DMPK: variants seen among roughly 807,000 people sequenced by gnomAD.
DMPK encodes the protein myotonin-protein kinase.
In DMPK, 32 loss-of-function variants were observed where a neutral mutation model predicts 70.3. The ratio of observed to expected loss-of-function variants is 0.46; its 90% CI spans 0.34 to 0.61. The LOEUF is 0.61. DMPK is among the 20% of genes least tolerant of loss of function. The pLI is 0.01. For missense variants in DMPK, 899 were observed against 886.0 expected, an observed-to-expected ratio of 1.01 and a Z score of -0.19; for synonymous variants, 469 against 390.9, an observed-to-expected ratio of 1.20 and a Z score of -2.36.
chr19:45,777,361 T>C lies in DMPK; in HGVS notation c.1112A>G (p.Glu371Gly). 1 of 1,601,796 alleles carries C rather than the reference T, an allele frequency of 6.2e-7. No individual in the cohort carries two copies. Among genetic ancestry groups the C allele is most frequent in the Non-Finnish European group, 8.5e-7 (1 of 1,172,584 alleles). ...ATDTCNFDLV[E>G]DGLTAMVSGG... ...GCTCACCATGGCAGTGAGCCCGTCC[T>C]CCACCAAGTCGAAGTTGCATGTGTC... Residue 371 changes from glutamate to glycine, a missense_variant, in exon 8 of 15, where the codon GAG becomes GGG. By Grantham distance (98) the Glu-to-Gly change is moderately conservative. Around this residue, in one of 3 missense-constraint regions of DMPK, gnomAD observed 555 missense variants for 483.8 expected, o/e 1.15. Coordinates refer to ENST00000291270, the MANE Select transcript of DMPK (RefSeq NM_004409.5). The surrounding 1 kb of genome is among the most constrained non-coding windows in gnomAD (Gnocchi z 6.7).
Position 45,777,208 on chromosome 19 carries a change from C to T in DMPK, c.1146+119G>A, listed in dbSNP as rs188422169. The T allele has an allele frequency of 1.5e-6, 2 of 1,365,162 alleles. No homozygotes were observed. Among genetic ancestry groups the T allele is most frequent in the Non-Finnish European group, 1.9e-6 (2 of 1,033,344 alleles). The allele number at this position is 1,365,162 out of a possible 1,614,324, so 84.6% of individuals were successfully genotyped here. On this transcript the variant is annotated intron_variant, in intron 8 of 14. Transcript: ENST00000291270. The surrounding 1 kb of genome is among the most constrained non-coding windows in gnomAD (Gnocchi z 6.7). ...TCCTCAGTAGTAGATGGGCACAGAG[C>T]AGGTGCTCTGGGGAATGAGTGATTC...
intron 1 of DMPK, among the ~76,000 whole-genome samples, chr19:45,781,574 A>C (rs1490868651): frequency 1.3e-5 from 2 of 152,120 alleles, no homozygotes; most frequent in Non-Finnish European, 2.9e-5. Flanking sequence ...AGAAGGAGAC[A>C]CACCCAGAAG....
rs1219584828 is a variant in DMPK, at chr19:45,770,319, C to T, written c.*169G>A. 4 of 944,416 alleles carry T rather than the reference C, an allele frequency of 4.2e-6. No individual in the cohort carries two copies. The highest frequency in any genetic ancestry group is 6.4e-6 in the Non-Finnish European group (4 of 625,556). The allele number at this position is 944,416 out of a possible 1,614,324, so 58.5% of individuals were successfully genotyped here. ...CCGTTCGCCGGCCGCGGACCCGGCCCCTCCCTCCCCGGCCGCTAGGGGGCG... is the reference window on the plus strand; with the variant it reads ...CCGTTCGCCGGCCGCGGACCCGGCCTCTCCCTCCCCGGCCGCTAGGGGGCG... On this transcript the variant is annotated 3_prime_UTR_variant, in exon 15 of 15. Coordinates refer to ENST00000291270, the MANE Select transcript of DMPK (RefSeq NM_004409.5).
At chr19:45,772,238 T>C (rs1046341911) in intron 10 of DMPK, 11 of 404,120 alleles carry the variant, frequency 2.7e-5, no homozygotes, top group African/African-American at 1.7e-4. Context: ...CAAAAGGCCT[T>C]GCTGGGTTTT....
chr19:45,779,330 C>T lies in DMPK; in HGVS notation c.366G>A (p.Val122=). ...EVSCFREERD[V]LVNGDRRWIT... ...TCCACCGCCGGTCCCCATTCACCAA[C>T]ACGTCCCTCTCCTCACGGAAGCACG... The change falls in exon 4 of 15, where the codon GTG becomes GTA. Residue 122 remains valine, a synonymous_variant. Transcript: ENST00000291270. The T allele has an allele frequency of 6.2e-7, 1 of 1,614,128 alleles. No individual in the cohort carries two copies. Among genetic ancestry groups the T allele is most frequent in the South Asian group, 1.1e-5 (1 of 91,090 alleles).
rs1969277719 is a variant in DMPK, at chr19:45,770,206, A to AGCAGCAGCAGCAGCG, written c.*281_*282insCGCTGCTGCTGCTGC. On this transcript the variant is annotated 3_prime_UTR_variant, in exon 15 of 15. Coordinates refer to ENST00000291270, the MANE Select transcript of DMPK (RefSeq NM_004409.5). ...GAAAGAAATGGTCTGTGATCCCCCC[A>AGCAGCAGCAGCAGCG]GCAGCAGCAGCAGCAGCAGCAGCAG... 2 of 69,768 alleles carry AGCAGCAGCAGCAGCG rather than the reference A, an allele frequency of 2.9e-5. No individual in the cohort carries two copies. Among genetic ancestry groups the AGCAGCAGCAGCAGCG allele is most frequent in the Non-Finnish European group, 3.3e-5 (2 of 60,448 alleles). 4.3% of individuals were successfully genotyped at this position (69,768 alleles called of 1,614,324 possible). A position where few individuals can be genotyped will look rare whatever the true frequency, so the allele number is the denominator to read the frequency against.
intron 13 of DMPK, 43 bp downstream of exon 13, chr19:45,771,307 A>T (rs1310936250): frequency 3.2e-6 from 5 of 1,560,980 alleles, no homozygotes; most frequent in Non-Finnish European, 4.3e-6. Flanking sequence ...GGATCTGCAG[A>T]ATGGGCAGCA....
Position 45,774,968 on chromosome 19 carries a change from A to G in DMPK, c.1213T>C (p.Tyr405His). The change falls in exon 9 of 15, where the codon TAC (tyrosine) becomes CAC (histidine). Residue 405 changes from tyrosine to histidine, a missense_variant. Tyr to His is a moderately conservative substitution (Grantham distance 83). Coordinates refer to ENST00000291270, the MANE Select transcript of DMPK (RefSeq NM_004409.5). ...GVHLPFVGYS[Y>H]SCMALRDSEV... is the part of the protein sequence containing the mutation. The stretch of plus-strand genomic sequence containing the variant: ...GCTTACCTGAGGGCCATGCAGGAGT[A>G]GGAGTAGCCCACAAAAGGCAGGTGG... 6.2e-7 allele frequency: 1 copy of G among 1,613,944 alleles called. No homozygotes were observed.
chr19:45,770,792 C>T (rs1164828112), intron 14 of DMPK, 152 bp from the exon 15 acceptor site: 1 of 1,048,950 alleles, frequency 9.5e-7, no homozygotes, highest in Admixed American at 2.8e-5. Context: ...ACTCGCACGC[C>T]TCGAATCCCG....
At chr19:45,780,492 T>C in intron 1 of DMPK, 1 of 1,145,582 alleles carries the variant, frequency 8.7e-7, no homozygotes, top group Non-Finnish European at 1.1e-6. Flanking sequence ...GCTTTAGTCC[T>C]ACCCCTTATT....
chr19:45,772,350 G>A (rs1969509957), intron 10 of DMPK: 1 of 379,274 alleles, frequency 2.6e-6, no homozygotes. Context: ...TGCCCTGGAG[G>A]CTCTCGCCTG....
Position 45,775,010 on chromosome 19 carries a change from C to T in DMPK, c.1171G>A (p.Gly391Ser). The T allele has an allele frequency of 6.2e-7, 1 of 1,613,948 alleles. No individual in the cohort carries two copies. Among genetic ancestry groups the T allele is most frequent in the Non-Finnish European group, 8.5e-7 (1 of 1,179,996 alleles). The change falls in exon 9 of 15, where the codon GGT (glycine) becomes AGT (serine). Residue 391 changes from glycine (G) to serine (S), a missense_variant. This residue lies in a region of DMPK where 555 missense variants were observed against 483.8 expected (regional missense o/e 1.15). Coordinates refer to ENST00000291270, the MANE Select transcript of DMPK (RefSeq NM_004409.5). The part of the protein sequence containing the change: ...GGETLSDIRE[G>S]APLGVHLPFV... The stretch of plus-strand genomic sequence containing the variant: ...GGCAGGTGGACCCCTAGCGGCGCAC[C>T]TTCCCGAATGTCCGACAGTGTCTCC...
At chr19:45,778,740 G>C in intron 4 of DMPK, 99 bp from the exon 5 acceptor site, 1 of 1,245,734 alleles carries the variant, frequency 8.0e-7, no homozygotes. Flanking sequence ...CCATCCTTGG[G>C]CAGAGACCTG....
Position 45,770,110 on chromosome 19 carries a change from G to A in DMPK, c.*378C>T. The stretch of plus-strand genomic sequence containing the variant: ...GGGGGTGCGTGGAGGATGGAACACG[G>A]ACGGCCCGGCTTGCTGCCTTCCCAG... On this transcript the variant is annotated 3_prime_UTR_variant, in exon 15 of 15. Coordinates refer to ENST00000291270, the MANE Select transcript of DMPK (RefSeq NM_004409.5). 1.7e-6 allele frequency: 1 copy of A among 603,890 alleles called. No individual in the cohort carries two copies. The highest frequency in any genetic ancestry group is 3.0e-6 in the Non-Finnish European group (1 of 338,322). The allele number at this position is 603,890 out of a possible 1,614,324, so 37.4% of individuals were successfully genotyped here. A position where few individuals can be genotyped will look rare whatever the true frequency, so the allele number is the denominator to read the frequency against.
At position 45,772,407 on chromosome 19, in the gene DMPK, G is replaced by A. The variant is rs138645023; in HGVS notation, c.1344+234C>T. On this transcript the variant is annotated intron_variant, in intron 10 of 14. Transcript: ENST00000291270. Reference sequence around the variant, plus strand: ...CATGGCTTGTTTCTCCTTCACCAGCGCTCAGCTCAAAGATCGACTTCTCAG... The same window carrying A: ...CATGGCTTGTTTCTCCTTCACCAGCACTCAGCTCAAAGATCGACTTCTCAG... 4.9e-4 allele frequency: 207 copies of A among 420,098 alleles called. No individual in the cohort carries two copies. In the East Asian group the frequency reaches 8.3e-3, roughly 17 times the overall value. 26.0% of individuals were successfully genotyped at this position (420,098 alleles called of 1,614,324 possible).
At position 45,771,587 on chromosome 19, in the gene DMPK, C is replaced by T. The variant is rs1335875301; in HGVS notation, c.1581G>A (p.Leu527=). 6.2e-7 allele frequency: 1 copy of T among 1,613,912 alleles called. No homozygotes were observed. The highest frequency in any genetic ancestry group is 2.2e-5 in the East Asian group (1 of 44,890). Residue 527 remains leucine, a synonymous_variant, in exon 12 of 15, where the codon CTG becomes CTA. Transcript: ENST00000291270. ...VRQLQERMEL[L]QAEGATAVTG... ...ACTCACCTGTGGCTCCCTCTGCCTGCAGCAACTCCATCCGCTCCTGCAACT... is the reference window on the plus strand; with the variant it reads ...ACTCACCTGTGGCTCCCTCTGCCTGTAGCAACTCCATCCGCTCCTGCAACT...
At chr19:45,771,176 G>A (rs576172432) in intron 13 of DMPK, 116 bp from the exon 14 acceptor site, 11 of 1,176,182 alleles carry the variant, frequency 9.4e-6, no homozygotes, top group African/African-American at 1.6e-5. Flanking sequence ...ATCCCGGAGG[G>A]AATCTGGTGA....
At position 45,771,053 on chromosome 19, in the gene DMPK, CCAT is replaced by C; in HGVS notation, c.1652_1654del (p.Asp551del). On this transcript the variant is annotated inframe_deletion, in exon 14 of 15. Transcript: ENST00000291270. ...CTGGCCCACAGCCACGGCCGGGGGG[CCAT>C]CTAGCTGGAGAGAGAAGGGACAGGT... The C allele has an allele frequency of 6.6e-7, 1 of 1,519,070 alleles. No homozygotes were observed. Among genetic ancestry groups the C allele is most frequent in the Non-Finnish European group, 8.8e-7 (1 of 1,134,874 alleles). 94.1% of individuals were successfully genotyped at this position (1,519,070 alleles called of 1,614,324 possible). A position where few individuals can be genotyped will look rare whatever the true frequency, so the allele number is the denominator to read the frequency against.
intron 2 of DMPK, 25 bp from the exon 3 acceptor site, chr19:45,779,547 G>C: frequency 1.2e-6 from 2 of 1,613,316 alleles, no homozygotes; most frequent in Non-Finnish European, 1.7e-6. Context: ...GTGAGACAGA[G>C]TGGAGACGGC....
Sources: allele counts gnomAD v4.1 joint callset (sites outside exome capture counted in the v4.1 genomes callset), GRCh38; gene constraint gnomAD v4.1.1; regional missense constraint gnomAD v4.1.1; non-coding constraint Gnocchi (gnomAD v3.1); transcripts MANE v1.5; gene names NCBI Gene and HGNC (gene_info 2026-07-23, HGNC 2026-07-21).